The following FNDC3A variants were observed in gnomAD, a reference collection of about 807,000 sequenced individuals.
FNDC3A encodes the protein fibronectin type III domain containing 3A.
A neutral mutation model predicts 148.9 loss-of-function variants in FNDC3A; 32 were observed. The observed-to-expected ratio is 0.21, with a 90% CI of 0.16 to 0.29. The LOEUF (loss-of-function observed/expected upper bound fraction) is 0.29, where lower values mean the gene tolerates loss of function less well. Ranked by LOEUF, FNDC3A falls within the 10% of genes least tolerant of loss-of-function variation. The probability of loss-of-function intolerance (pLI) is 1.00; values close to 1 mark genes in which losing one functional copy is unlikely to be tolerated. For synonymous variants in FNDC3A, 472 were observed against 473.6 expected, an observed-to-expected ratio of 1.00 and a Z score of 0.04; for missense variants, 1,191 against 1,452.8, an observed-to-expected ratio of 0.82 and a Z score of 2.93.
chr13:49,064,342 A>G (rs1593539379), intron 2 of FNDC3A, among the ~76,000 whole-genome samples: 1 of 151,914 alleles, frequency 6.6e-6, no homozygotes, highest in African/African-American at 2.4e-5. Flanking sequence ...CTCCGTCTCA[A>G]AAAAAAAGTA....
chr13:49,123,250 G>A (rs1881477547), intron 4 of FNDC3A, among the ~76,000 whole-genome samples: 2 of 152,156 alleles, frequency 1.3e-5, no homozygotes, highest in South Asian at 4.1e-4. Flanking sequence ...AATGGGGAAA[G>A]GATTCCCTAT....
intron 3 of FNDC3A, among the ~76,000 whole-genome samples, chr13:49,085,417 TGGG>T (rs1049172979): frequency 6.6e-6 from 1 of 151,868 alleles, no homozygotes; most frequent in African/African-American, 2.4e-5. Flanking sequence ...ATGTCTTTGT[TGGG>T]GAGGAGAGAG....
At chr13:49,110,215 C>A in intron 3 of FNDC3A, 1 of 589,214 alleles carries the variant, frequency 1.7e-6, no homozygotes, top group Non-Finnish European at 2.7e-6. Flanking sequence ...CTTTTTTTTC[C>A]CCCTTGCCCT....
At chr13:49,126,863 A>G (rs1200047533) in intron 4 of FNDC3A, among the ~76,000 whole-genome samples, 1 of 152,246 alleles carries the variant, frequency 6.6e-6, no homozygotes, top group African/African-American at 2.4e-5. Flanking sequence ...TGGAAAATTA[A>G]CATTTCAGTG....
At chr13:49,052,155 A>G (rs1245411102) in intron 2 of FNDC3A, among the ~76,000 whole-genome samples, 1 of 152,038 alleles carries the variant, frequency 6.6e-6, no homozygotes, top group Non-Finnish European at 1.5e-5. Flanking sequence ...TTGCTTAATA[A>G]TCTACCTTCT....
At chr13:49,055,195 C>T (rs1044922518) in intron 2 of FNDC3A, among the ~76,000 whole-genome samples, 1 of 151,964 alleles carries the variant, frequency 6.6e-6, no homozygotes, top group Admixed American at 6.6e-5. Flanking sequence ...CCTTGGCCTC[C>T]TGGGCTCAAG....
chr13:49,114,881 G>C (rs774577058), intron 4 of FNDC3A, 150 bp downstream of exon 4: 2 of 651,190 alleles, frequency 3.1e-6, no homozygotes, highest in Non-Finnish European at 5.4e-6. Flanking sequence ...AAGTATTTTA[G>C]TACATTTGGA....
intron 5 of FNDC3A, among the ~76,000 whole-genome samples, chr13:49,132,122 A>G (rs1882073037): frequency 6.6e-6 from 1 of 152,146 alleles, no homozygotes; most frequent in Non-Finnish European, 1.5e-5. Context: ...CCTTACATCA[A>G]TTAGTATCAG....
chr13:49,070,155 A>G (rs1274245959), intron 2 of FNDC3A, among the ~76,000 whole-genome samples: 2 of 152,072 alleles, frequency 1.3e-5, no homozygotes, highest in African/African-American at 2.4e-5. Flanking sequence ...TTTTTGAGAC[A>G]GAGTCTTGCA....
intron 2 of FNDC3A, chr13:49,045,915 G>A (rs181333319): frequency 7.7e-4 from 169 of 220,044 alleles, no homozygotes; most frequent in African/African-American, 3.4e-3. Context: ...GTTTTTATCA[G>A]GGACAATACT....
chr13:49,008,589 T>C (rs1952270047), intron 2 of FNDC3A, among the ~76,000 whole-genome samples: 1 of 152,202 alleles, frequency 6.6e-6, no homozygotes, highest in Admixed American at 6.5e-5. Flanking sequence ...AATTTTCTTA[T>C]AGTTGGCTAT....
intron 4 of FNDC3A, among the ~76,000 whole-genome samples, chr13:49,122,375 A>G (rs1328145177): frequency 1.3e-5 from 2 of 152,162 alleles, no homozygotes; most frequent in African/African-American, 4.8e-5. Context: ...GTTTATAACA[A>G]ACCCACAGCC....
intron 3 of FNDC3A, among the ~76,000 whole-genome samples, chr13:49,087,229 T>G (rs1878875133): frequency 6.6e-6 from 1 of 152,266 alleles, no homozygotes; most frequent in East Asian, 1.9e-4. Context: ...TAAAAAAATT[T>G]TTTAATGACT....
At chr13:49,088,629 T>C (rs1481837494) in intron 3 of FNDC3A, among the ~76,000 whole-genome samples, 1 of 152,238 alleles carries the variant, frequency 6.6e-6, no homozygotes, top group African/African-American at 2.4e-5. Flanking sequence ...TATTATTTCC[T>C]TCTTCTTGGA....
chr13:49,179,338 G>T (rs1885191498), intron 14 of FNDC3A, among the ~76,000 whole-genome samples: 1 of 152,050 alleles, frequency 6.6e-6, no homozygotes, highest in African/African-American at 2.4e-5. Flanking sequence ...CTTATTACTG[G>T]TAGTCACTTG....
intron 2 of FNDC3A, among the ~76,000 whole-genome samples, chr13:49,027,692 T>G (rs941028330): frequency 6.6e-6 from 1 of 151,326 alleles, no homozygotes; most frequent in Non-Finnish European, 1.5e-5. Context: ...TAAGAAAAAA[T>G]AACTCAAAAG....
chr13:49,186,247 G>T, intron 15 of FNDC3A, 145 bp downstream of exon 15: 1 of 603,148 alleles, frequency 1.7e-6, no homozygotes, highest in Non-Finnish European at 2.7e-6. Flanking sequence ...CATTGGGTAT[G>T]TTTTTTGTGG....
chr13:49,096,930 G>A (rs1421869550), intron 3 of FNDC3A, among the ~76,000 whole-genome samples: 1 of 152,064 alleles, frequency 6.6e-6, no homozygotes, highest in Admixed American at 6.6e-5. Context: ...AAGTATCTTC[G>A]AGACAGAAGG....
intron 8 of FNDC3A, among the ~76,000 whole-genome samples, chr13:49,147,961 T>G (rs1883085755): frequency 6.6e-6 from 1 of 152,218 alleles, no homozygotes; most frequent in Non-Finnish European, 1.5e-5. Flanking sequence ...AATTTTGATT[T>G]GGATTTCCCT....
Sources: gnomAD v4.1 joint callset for allele counts (sites outside exome capture counted in the v4.1 genomes callset) on GRCh38, gnomAD v4.1.1 for gene constraint, MANE v1.5 for transcripts, NCBI Gene and HGNC (gene_info 2026-07-23, HGNC 2026-07-21) for gene names.